Variants in STOM observed in about 807,000 individuals in gnomAD.
The protein encoded by STOM is erythrocyte band 7 integral membrane protein.
A neutral mutation model predicts 30.6 loss-of-function variants in STOM; 25 were observed. That is an observed-to-expected ratio of 0.82 (90% CI 0.60 to 1.14). The LOEUF (loss-of-function observed/expected upper bound fraction) is 1.14, where lower values mean the gene tolerates loss of function less well. STOM is among the 50% of genes most tolerant of loss of function. The probability of loss-of-function intolerance (pLI) is 0.00; values close to 1 mark genes in which losing one functional copy is unlikely to be tolerated. For missense variants in STOM, 292 were observed against 365.2 expected (o/e 0.80, Z 1.63); for synonymous variants, 118 against 130.8 (o/e 0.90, Z 0.67).
In STOM at chr9:121,361,902, G is replaced by A. The variant is rs560002334; in HGVS notation, c.62-5746C>T. Among the ~76,000 whole-genome samples the A allele has an allele frequency of 5.3e-5, 8 of 152,256 alleles. No homozygotes were observed. In the South Asian group the frequency reaches 1.7e-3, roughly 32 times the overall value. On this transcript the variant is annotated intron_variant, in intron 1 of 6. Coordinates refer to ENST00000286713, the MANE Select transcript of STOM (RefSeq NM_004099.6). ...TCCACCACAGATCATCAGACATTAG[G>A]TTCTCATAAGGAATACACAACCTAG...
intron 2 of STOM, 78 bp downstream of exon 2, chr9:121,355,973 CAT>C (rs373304283): frequency 6.1e-6 from 6 of 984,438 alleles, no homozygotes; most frequent in African/African-American, 3.3e-5. Flanking sequence ...TTCTTTCTCA[CAT>C]ACACACAGGC....
intron 1 of STOM, among the ~76,000 whole-genome samples, chr9:121,368,664 G>T (rs939805958): frequency 1.3e-5 from 2 of 152,184 alleles, no homozygotes; most frequent in Non-Finnish European, 2.9e-5. Flanking sequence ...CACTGGGGGG[G>T]TCGCGGTGGC....
chr9:121,347,602 GCT>G (rs1286183838), intron 6 of STOM, among the ~76,000 whole-genome samples: 1 of 152,168 alleles, frequency 6.6e-6, no homozygotes, highest in African/African-American at 2.4e-5. Flanking sequence ...TGACCCACTT[GCT>G]CCGAAGTTGG....
intron 6 of STOM, among the ~76,000 whole-genome samples, chr9:121,341,631 A>G (rs1460204416): frequency 6.6e-6 from 1 of 152,186 alleles, no homozygotes; most frequent in Non-Finnish European, 1.5e-5. Flanking sequence ...ATTCTCTTTT[A>G]CTATAGCCTT....
Position 121,353,206 on chromosome 9 carries a change from A to T in STOM, c.321+14T>A. 6.3e-7 allele frequency: 1 copy of T among 1,580,718 alleles called. No homozygotes were observed. ...TTCACATATGATACCTCAGTTATTC[A>T]AAGAAAACCTTACCTCCTGAGGAGG... On this transcript the variant is annotated intron_variant, in intron 4 of 6. Coordinates refer to ENST00000286713, the MANE Select transcript of STOM (RefSeq NM_004099.6).
chr9:121,357,493 G>A (rs986170143), intron 1 of STOM, among the ~76,000 whole-genome samples: 13 of 139,260 alleles, frequency 9.3e-5, no homozygotes, highest in Admixed American at 2.5e-4. Flanking sequence ...AGGCTGGAGT[G>A]CAGCAGCACA....
At position 121,340,017 on chromosome 9, in the gene STOM, T is replaced by C; in HGVS notation, c.*1185A>G. On this transcript the variant is annotated 3_prime_UTR_variant, in exon 7 of 7. Coordinates refer to ENST00000286713, the MANE Select transcript of STOM (RefSeq NM_004099.6). The stretch of plus-strand genomic sequence containing the variant: ...AATATAATGGTTTCCTGAAGTTATC[T>C]CTTAAAAAAGTATTTTAGTCCTTCA... 1.0e-6 allele frequency: 1 copy of C among 987,178 alleles called. No individual in the cohort carries two copies. Among genetic ancestry groups the C allele is most frequent in the Non-Finnish European group, 1.2e-6 (1 of 830,478 alleles). 61.2% of individuals were successfully genotyped at this position (987,178 alleles called of 1,614,324 possible). A position where few individuals can be genotyped will look rare whatever the true frequency, so the allele number is the denominator to read the frequency against.
chr9:121,355,231 CA>C lies in STOM; in HGVS notation c.166-559del, dbSNP rs762080105. Among the ~76,000 whole-genome samples the C allele has an allele frequency of 4.6e-3, 386 of 83,422 alleles. 1 individual carries two copies. Among genetic ancestry groups the C allele is most frequent in the African/African-American group, 0.017 (333 of 19,956 alleles). The allele number at this position is 83,422 out of a possible 152,430, so 54.7% of individuals were successfully genotyped here. A position where few individuals can be genotyped will look rare whatever the true frequency, so the allele number is the denominator to read the frequency against. ...CCTGGGCCACAAGGTGACTCCGTCT[CA>C]AAAAAAAAAAAAAAAAAATAATAAT... On this transcript the variant is annotated intron_variant, in intron 2 of 6. Transcript: ENST00000286713.
chr9:121,363,482 T>G (rs1456461223), intron 1 of STOM, among the ~76,000 whole-genome samples: 1 of 152,190 alleles, frequency 6.6e-6, no homozygotes, highest in Non-Finnish European at 1.5e-5. Flanking sequence ...CTAAATATTT[T>G]GGGCTTTGCA....
rs115748828 is a variant in STOM, at chr9:121,361,872, A to T, written c.62-5716T>A. Among the ~76,000 whole-genome samples the T allele has an allele frequency of 8.1e-3, 1,234 of 152,232 alleles. 17 individuals are homozygous for T. Among genetic ancestry groups the T allele is most frequent in the African/African-American group, 0.027 (1,116 of 41,526 alleles). On this transcript the variant is annotated intron_variant, in intron 1 of 6. Coordinates refer to ENST00000286713, the MANE Select transcript of STOM (RefSeq NM_004099.6). ...TTGGGGAACATGGTTTTGGGATGAA[A>T]CTGTTCCACCACAGATCATCAGACA...
At chr9:121,360,324 A>T (rs2064438152) in intron 1 of STOM, among the ~76,000 whole-genome samples, 1 of 151,740 alleles carries the variant, frequency 6.6e-6, no homozygotes. Flanking sequence ...CCAATGTAGG[A>T]TTTTAATCTT....
At chr9:121,349,484 T>C (rs1223634525) in intron 4 of STOM, among the ~76,000 whole-genome samples, 161 bp from the exon 5 acceptor site, 1 of 152,236 alleles carries the variant, frequency 6.6e-6, no homozygotes, top group Admixed American at 6.5e-5. Flanking sequence ...AAATAAATTA[T>C]TCAAGTCCAT....
At chr9:121,356,637 G>C (rs1297411916) in intron 1 of STOM, among the ~76,000 whole-genome samples, 1 of 152,172 alleles carries the variant, frequency 6.6e-6, no homozygotes, top group Non-Finnish European at 1.5e-5. Context: ...GGTGATTCAG[G>C]TGGCTGTCAG....
Position 121,340,080 on chromosome 9 carries a change from G to A in STOM, c.*1122C>T, listed in dbSNP as rs79009054. The A allele has an allele frequency of 0.02, 19,727 of 974,360 alleles. 244 individuals are homozygous for A. Among genetic ancestry groups the A allele is most frequent in the Non-Finnish European group, 0.023 (18,696 of 819,922 alleles). The allele number at this position is 974,360 out of a possible 1,614,324, so 60.4% of individuals were successfully genotyped here. On this transcript the variant is annotated 3_prime_UTR_variant, in exon 7 of 7. Coordinates refer to ENST00000286713, the MANE Select transcript of STOM (RefSeq NM_004099.6). ...GATATATAACAATTGCATATAGAAC[G>A]TAGAGAAAATTTTATTAAAAAATTA...
At chr9:121,352,888 C>A (rs1469844659) in intron 4 of STOM, among the ~76,000 whole-genome samples, 1 of 152,048 alleles carries the variant, frequency 6.6e-6, no homozygotes, top group East Asian at 1.9e-4. Flanking sequence ...GTCAGGAGTT[C>A]GAGACCAGCC....
intron 1 of STOM, among the ~76,000 whole-genome samples, chr9:121,357,899 T>C (rs1262179087): frequency 6.8e-6 from 1 of 147,276 alleles, no homozygotes; most frequent in Non-Finnish European, 1.5e-5. Flanking sequence ...CCATTCTATA[T>C]GATTAGTACA....
In STOM at chr9:121,370,211, C is replaced by G. The variant is rs146697695; in HGVS notation, c.-24G>C. ...ATGCTGCCCGAGACGCAGTCGCACTCCCCCGTCCTCGTTGCCAAACCCGGA... is the reference window on the plus strand; with the variant it reads ...ATGCTGCCCGAGACGCAGTCGCACTGCCCCGTCCTCGTTGCCAAACCCGGA... On this transcript the variant is annotated 5_prime_UTR_variant, in exon 1 of 7. Coordinates refer to ENST00000286713, the MANE Select transcript of STOM (RefSeq NM_004099.6). 5.8e-6 allele frequency: 9 copies of G among 1,543,452 alleles called. No homozygotes were observed. The African/African-American group carries it at 1.2e-4, about 21-fold the overall frequency.
At chr9:121,357,431 ATATATATATT>A (rs897672040) in intron 1 of STOM, among the ~76,000 whole-genome samples, 3 of 117,288 alleles carry the variant, frequency 2.6e-5, no homozygotes, top group Non-Finnish European at 5.4e-5. Context: ...AATGATATAT[ATATATATATT>A]TATTTATTTA....
chr9:121,342,852 A>G (rs556770859), intron 6 of STOM, among the ~76,000 whole-genome samples: 1 of 152,316 alleles, frequency 6.6e-6, no homozygotes, highest in East Asian at 1.9e-4. Context: ...CAGGCAAAAA[A>G]GTTTGAAGAT....
Sources: gnomAD v4.1 joint callset for allele counts (sites outside exome capture counted in the v4.1 genomes callset) on GRCh38, gnomAD v4.1.1 for gene constraint, MANE v1.5 for transcripts, NCBI Gene and HGNC (gene_info 2026-07-23, HGNC 2026-07-21) for gene names.